Variants in CHD9NB observed in about 807,000 individuals in gnomAD.
The protein encoded by CHD9NB is CHD9 neighbor protein.
chr16:53,048,137 C>T, the CHD9NB span, among the ~76,000 whole-genome samples: 1 of 152,206 alleles, frequency 6.6e-6, no homozygotes, highest in African/African-American at 2.4e-5. Flanking sequence ...GGTGCAGTGG[C>T]TCATGCCTGT....
chr16:53,041,005 T>C, the CHD9NB span, among the ~76,000 whole-genome samples: 1 of 150,080 alleles, frequency 6.7e-6, no homozygotes, highest in Admixed American at 6.7e-5. Context: ...GGATGGATAA[T>C]GGATGAAAGG....
the CHD9NB span, among the ~76,000 whole-genome samples, chr16:53,041,686 G>A: frequency 6.6e-6 from 1 of 152,022 alleles, no homozygotes; most frequent in Non-Finnish European, 1.5e-5. Flanking sequence ...AGAGTCCTGA[G>A]TGTGGACATT....
At chr16:53,037,679 G>A in the CHD9NB span, among the ~76,000 whole-genome samples, 1 of 152,194 alleles carries the variant, frequency 6.6e-6, no homozygotes, top group Non-Finnish European at 1.5e-5. Context: ...TCAGATAAGA[G>A]TTATTTCTAC....
At chr16:53,051,527 C>T in the CHD9NB span, among the ~76,000 whole-genome samples, 1 of 150,180 alleles carries the variant, frequency 6.7e-6, no homozygotes, top group East Asian at 2.0e-4. Context: ...GGACAAAAAA[C>T]CAAACACCGC....
chr16:53,044,817 C>T, the CHD9NB span, among the ~76,000 whole-genome samples: 1 of 152,228 alleles, frequency 6.6e-6, no homozygotes, highest in South Asian at 2.1e-4. Context: ...CATGGAGACA[C>T]TGAGGCACAG....
chr16:53,045,839 A>G, the CHD9NB span, among the ~76,000 whole-genome samples: 8 of 152,102 alleles, frequency 5.3e-5, no homozygotes, highest in Non-Finnish European at 1.0e-4. Flanking sequence ...CAAACCTGGT[A>G]AGCAGCCAGC....
chr16:53,044,363 T>TTCC, the CHD9NB span: 2 of 390,372 alleles, frequency 5.1e-6, no homozygotes, highest in African/African-American at 2.1e-5. Context: ...AGAGCTGCCC[T>TTCC]TCCGGCTAAC....
the CHD9NB span, among the ~76,000 whole-genome samples, chr16:53,051,805 AT>A: frequency 1.8e-5 from 2 of 110,734 alleles, no homozygotes; most frequent in African/African-American, 6.2e-5. Context: ...ATATATATAT[AT>A]ATATAATGAG....
chr16:53,041,375 T>A, the CHD9NB span, among the ~76,000 whole-genome samples: 1 of 152,264 alleles, frequency 6.6e-6, no homozygotes, highest in Admixed American at 6.5e-5. Context: ...AAAAGGAAAC[T>A]GAGTACTTTT....
the CHD9NB span, among the ~76,000 whole-genome samples, chr16:53,051,000 G>T: frequency 6.6e-6 from 1 of 151,908 alleles, no homozygotes; most frequent in South Asian, 2.1e-4. Context: ...CCATTCTCCT[G>T]CCTCAGCCTC....
the CHD9NB span, chr16:53,052,648 G>C: frequency 6.6e-6 from 1 of 152,432 alleles, no homozygotes; most frequent in Non-Finnish European, 1.5e-5. Context: ...GGCATGCTTT[G>C]GGGCACAGTG....
the CHD9NB span, among the ~76,000 whole-genome samples, chr16:53,046,241 C>G: frequency 6.6e-6 from 1 of 152,066 alleles, no homozygotes; most frequent in East Asian, 1.9e-4. Flanking sequence ...ATTAATCATG[C>G]TTAACTCAAG....
the CHD9NB span, chr16:53,044,316 T>C: frequency 5.1e-6 from 2 of 395,996 alleles, no homozygotes; most frequent in Non-Finnish European, 4.4e-6. Flanking sequence ...CGCCCCGCTG[T>C]GCATAAGGAG....
the CHD9NB span, among the ~76,000 whole-genome samples, chr16:53,049,736 A>C: frequency 6.6e-6 from 1 of 152,138 alleles, no homozygotes; most frequent in African/African-American, 2.4e-5. Flanking sequence ...AGTACAATTT[A>C]ATTCACCAGT....
chr16:53,050,766 G>T, the CHD9NB span, among the ~76,000 whole-genome samples: 2 of 152,000 alleles, frequency 1.3e-5, no homozygotes, highest in African/African-American at 4.8e-5. Context: ...TTTCCCTTTG[G>T]TCTCTTTGGC....
chr16:53,041,084 A>C, the CHD9NB span, among the ~76,000 whole-genome samples: 5 of 152,126 alleles, frequency 3.3e-5, no homozygotes, highest in African/African-American at 4.8e-5. Context: ...GGATGCATGG[A>C]TGATGGATAA....
the CHD9NB span, among the ~76,000 whole-genome samples, chr16:53,038,525 A>G: frequency 6.6e-6 from 1 of 152,256 alleles, no homozygotes; most frequent in South Asian, 2.1e-4. Context: ...CAATTTTTGT[A>G]TTTTTAGTAG....
chr16:53,050,108 G>A, the CHD9NB span, among the ~76,000 whole-genome samples: 1 of 152,108 alleles, frequency 6.6e-6, no homozygotes, highest in South Asian at 2.1e-4. Context: ...GTAGGCTGAG[G>A]CAGGAGAATC....
At chr16:53,038,817 G>A in the CHD9NB span, among the ~76,000 whole-genome samples, 1 of 152,176 alleles carries the variant, frequency 6.6e-6, no homozygotes, top group Non-Finnish European at 1.5e-5. Context: ...AACTCCCTGT[G>A]TTTTAATCTA....
Sources: gnomAD v4.1 joint callset for allele counts (sites outside exome capture counted in the v4.1 genomes callset) on GRCh38, gnomAD v4.1.1 for gene constraint, MANE v1.5 for transcripts, NCBI Gene and HGNC (gene_info 2026-07-23, HGNC 2026-07-21) for gene names.